The following FRY variants were observed in gnomAD, a reference collection of about 807,000 sequenced individuals.
FRY encodes the protein protein furry homolog.
Under a neutral mutation model 348.4 loss-of-function variants are expected in FRY, and 128 were observed. That is an observed-to-expected ratio of 0.37 (90% CI 0.32 to 0.43). The LOEUF (loss-of-function observed/expected upper bound fraction) is 0.43. FRY is among the 20% of genes least tolerant of loss of function. The pLI, the probability that FRY is intolerant of heterozygous loss-of-function variation, is 1.00. For missense variants in FRY, 2,736 were observed against 3,695.2 expected, an observed-to-expected ratio of 0.74 and a Z score of 6.73; for synonymous variants, 1,370 against 1,374.7, an observed-to-expected ratio of 1.00 and a Z score of 0.08.
chr13:32,186,406 T>C lies in FRY; in HGVS notation c.3466T>C (p.Tyr1156His). 4 of 1,604,886 alleles carry C rather than the reference T, an allele frequency of 2.5e-6. No homozygotes were observed. Among genetic ancestry groups the C allele is most frequent in the Non-Finnish European group, 3.4e-6 (4 of 1,171,548 alleles). The change falls in exon 27 of 61, where the codon TAT becomes CAT. Residue 1156 changes from tyrosine (Y) to histidine (H), a missense_variant. Around this residue, in one of 9 missense-constraint regions of FRY, gnomAD observed 33 missense variants for 86.7 expected, o/e 0.38. Coordinates refer to ENST00000542859, the MANE Select transcript of FRY (RefSeq NM_023037.3). ...DRNHQITRYQ[Y>H]CALKAMSAVL... ...AAATCATCAGATTACAAGATATCAGTATTGTGCATTAAAAGTAGGTGATAT... is the reference window on the plus strand; with the variant it reads ...AAATCATCAGATTACAAGATATCAGCATTGTGCATTAAAAGTAGGTGATAT...
At chr13:32,226,592 G>A (rs34197581) in intron 39 of FRY, among the ~76,000 whole-genome samples, 41,427 of 152,078 alleles carry the variant, frequency 0.27, 6,281 homozygotes, top group African/African-American at 0.4. Context: ...GAACCAGAAC[G>A]TTTAAAATAT....
chr13:32,092,383 C>G (rs924355771), intron 2 of FRY, among the ~76,000 whole-genome samples: 19 of 152,190 alleles, frequency 1.2e-4, no homozygotes, highest in African/African-American at 4.6e-4. Flanking sequence ...TTCTTTCCTC[C>G]TAAAGATTAC....
chr13:32,103,632 C>T (rs1877318702), intron 3 of FRY, among the ~76,000 whole-genome samples: 1 of 151,812 alleles, frequency 6.6e-6, no homozygotes, highest in South Asian at 2.1e-4. Context: ...GCACGTTGTG[C>T]ACATGTACCC....
At chr13:32,048,524 T>C (rs758263525) in intron 1 of FRY, among the ~76,000 whole-genome samples, 1 of 152,252 alleles carries the variant, frequency 6.6e-6, no homozygotes, top group Non-Finnish European at 1.5e-5. Flanking sequence ...TGTTTGTTTA[T>C]TTTTAAATCA....
chr13:32,292,943 A>C (rs991566012), intron 59 of FRY, among the ~76,000 whole-genome samples: 2 of 152,216 alleles, frequency 1.3e-5, no homozygotes, highest in Non-Finnish European at 2.9e-5. Context: ...CTCTACCAGC[A>C]AAAAGATAAT....
chr13:32,259,257 G>T (rs1396012630), intron 51 of FRY, among the ~76,000 whole-genome samples: 1 of 152,174 alleles, frequency 6.6e-6, no homozygotes, highest in Non-Finnish European at 1.5e-5. Flanking sequence ...AATCACCATG[G>T]ACTTTACCTG....
rs184768551 is a variant in FRY at position 32,267,402 on chromosome 13, G to A, written c.8136+43G>A. The A allele has an allele frequency of 3.3e-4, 502 of 1,539,162 alleles. 2 individuals are homozygous for A. The African/African-American group carries it at 5.5e-3, about 17-fold the overall frequency. On this transcript the variant is annotated intron_variant, in intron 55 of 60. Transcript: ENST00000542859. ...AAGTGCAGAGGACTTAGTTTCTAAG[G>A]GGAGCCGGGTAACTTTGAATTTAAG...
intron 1 of FRY, among the ~76,000 whole-genome samples, chr13:32,048,000 C>T (rs1355217859): frequency 6.6e-6 from 1 of 152,192 alleles, no homozygotes; most frequent in Non-Finnish European, 1.5e-5. Context: ...ACTTCCCCTT[C>T]CCCTACCCTT....
At chr13:32,159,510 T>C (rs940692662) in intron 16 of FRY, among the ~76,000 whole-genome samples, 1 of 152,170 alleles carries the variant, frequency 6.6e-6, no homozygotes, top group African/African-American at 2.4e-5. Flanking sequence ...GAATAATAAA[T>C]AATAATTTTA....
intron 29 of FRY, among the ~76,000 whole-genome samples, chr13:32,198,730 A>G (rs1404307895): frequency 6.6e-6 from 1 of 152,206 alleles, no homozygotes; most frequent in East Asian, 1.9e-4. Flanking sequence ...TGCACTCATC[A>G]TCATCACCAC....
intron 2 of FRY, among the ~76,000 whole-genome samples, chr13:32,096,933 A>G (rs1184124203): frequency 8.1e-6 from 1 of 122,744 alleles, no homozygotes; most frequent in East Asian, 2.0e-4. Context: ...ACTTTTATGT[A>G]TAGCAACAAC....
At chr13:32,195,197 G>A (rs1190455906) in intron 29 of FRY, among the ~76,000 whole-genome samples, 1 of 152,146 alleles carries the variant, frequency 6.6e-6, no homozygotes, top group Admixed American at 6.5e-5. Context: ...TATAAAGATA[G>A]TAGATAACAT....
In FRY at chr13:32,261,663, G is replaced by C. The variant is rs757697941; in HGVS notation, c.7464G>C (p.Leu2488=). The C allele has an allele frequency of 1.2e-6, 2 of 1,614,124 alleles. No individual in the cohort carries two copies. Among genetic ancestry groups the C allele is most frequent in the Non-Finnish European group, 1.7e-6 (2 of 1,180,012 alleles). ...NFNWGVRRRS[L]DSLDKCDMQI... Reference sequence around the variant, plus strand: ...ACTGGGGAGTGCGCAGACGTTCTCTGGACAGCCTGGATAAGTGTGATATGC... The same window carrying C: ...ACTGGGGAGTGCGCAGACGTTCTCTCGACAGCCTGGATAAGTGTGATATGC... Residue 2488 remains leucine, a synonymous_variant, in exon 52 of 61, where the codon CTG becomes CTC. Coordinates refer to ENST00000542859, the MANE Select transcript of FRY (RefSeq NM_023037.3).
intron 36 of FRY, among the ~76,000 whole-genome samples, chr13:32,223,535 G>A (rs1015594589): frequency 1.3e-5 from 2 of 152,008 alleles, no homozygotes; most frequent in Admixed American, 6.5e-5. Context: ...CAAAACTTTG[G>A]GAGGCCAAGG....
At chr13:32,135,433 T>C (rs1462240287) in intron 10 of FRY, among the ~76,000 whole-genome samples, 2 of 152,206 alleles carry the variant, frequency 1.3e-5, no homozygotes, top group African/African-American at 4.8e-5. Context: ...GTTATTTACT[T>C]TCAAGATTGG....
chr13:32,201,852 G>C, intron 29 of FRY, 89 bp from the exon 30 acceptor site: 1 of 811,770 alleles, frequency 1.2e-6, no homozygotes, highest in Non-Finnish European at 2.2e-6. Flanking sequence ...ACCGAGGTCA[G>C]CATGCCAGCT....
intron 2 of FRY, among the ~76,000 whole-genome samples, chr13:32,081,293 A>G (rs745761662): frequency 5.9e-5 from 9 of 152,198 alleles, no homozygotes; most frequent in Non-Finnish European, 1.2e-4. Context: ...TGATGTTTTT[A>G]GCTGAAGAGA....
In FRY at chr13:32,249,605, C is replaced by T; in HGVS notation, c.7088C>T (p.Thr2363Ile). Reference sequence around the variant, plus strand: ...GGGAAGCCCAGGGCCATGGCCGTCACCCGGAGCACATCTTCCACTTCCTCA... The same window carrying T: ...GGGAAGCCCAGGGCCATGGCCGTCATCCGGAGCACATCTTCCACTTCCTCA... Reference protein sequence around the residue: ...RDGKPRAMAVTRSTSSTSSGS... With the variant: ...RDGKPRAMAVIRSTSSTSSGS... The change falls in exon 49 of 61, where the codon ACC becomes ATC. Residue 2363 changes from threonine (T) to isoleucine (I), a missense_variant. Thr to Ile is a moderately conservative substitution (Grantham distance 89). Around this residue, in one of 9 missense-constraint regions of FRY, gnomAD observed 789 missense variants for 996.2 expected, o/e 0.79. Coordinates refer to ENST00000542859, the MANE Select transcript of FRY (RefSeq NM_023037.3). 1 of 1,614,204 alleles carries T rather than the reference C, an allele frequency of 6.2e-7. No individual in the cohort carries two copies. The highest frequency in any genetic ancestry group is 8.5e-7 in the Non-Finnish European group (1 of 1,180,024).
chr13:32,265,660 G>A (rs1426426687), intron 54 of FRY, 44 bp downstream of exon 54: 1 of 1,570,532 alleles, frequency 6.4e-7, no homozygotes, highest in Admixed American at 1.7e-5. Context: ...AATGTGCATG[G>A]TACATTATAT....
Sources: gnomAD v4.1 joint callset for allele counts (sites outside exome capture counted in the v4.1 genomes callset) on GRCh38, gnomAD v4.1.1 for gene constraint, gnomAD v4.1.1 regional missense constraint, MANE v1.5 for transcripts, NCBI Gene and HGNC (gene_info 2026-07-23, HGNC 2026-07-21) for gene names.